The following SRI variants were observed in gnomAD, a reference collection of about 807,000 sequenced individuals.
The protein encoded by SRI is sorcin.
Under a neutral mutation model 33.3 loss-of-function variants are expected in SRI, and 30 were observed. The observed-to-expected ratio is 0.90, with a 90% CI of 0.67 to 1.22. The LOEUF is 1.22. Among genes scored for constraint, SRI ranks in the 50% most tolerant of loss-of-function variants. The pLI is 0.00. For missense variants in SRI, 243 were observed against 250.8 expected (o/e 0.97, Z 0.21); for synonymous variants, 75 against 89.9 (o/e 0.83, Z 0.94).
intron 1 of SRI, 24 bp from the exon 2 acceptor site, chr7:88,218,966 C>A: frequency 6.2e-7 from 1 of 1,603,286 alleles, no homozygotes; most frequent in Non-Finnish European, 8.5e-7. Flanking sequence ...AACACATACA[C>A]GTCATTCTGC....
At chr7:88,217,097 A>G (rs1435519234) in intron 3 of SRI, 25 bp downstream of exon 3, 4 of 1,608,058 alleles carry the variant, frequency 2.5e-6, no homozygotes, top group Non-Finnish European at 3.4e-6. Flanking sequence ...GTATATTTAG[A>G]CAAACTTTGG....
At chr7:88,213,995 G>T (rs1351076338) in intron 3 of SRI, among the ~76,000 whole-genome samples, 1 of 152,156 alleles carries the variant, frequency 6.6e-6, no homozygotes, top group Non-Finnish European at 1.5e-5. Context: ...TTGTGAAACT[G>T]CATACCGTCC....
chr7:88,213,465 A>G (rs1337450752), intron 3 of SRI, among the ~76,000 whole-genome samples: 1 of 152,204 alleles, frequency 6.6e-6, no homozygotes, highest in Non-Finnish European at 1.5e-5. Flanking sequence ...CTAACAACCT[A>G]GGACACAACT....
At chr7:88,223,305 G>C (rs1851930915), upstream of SRI, among the ~76,000 whole-genome samples, 1 of 152,114 alleles carries the variant, frequency 6.6e-6, no homozygotes, top group Non-Finnish European at 1.5e-5. Context: ...AAAACCCATG[G>C]GATAGGTACT....
At chr7:88,226,889 T>C (rs765445533) in intron 1 of SRI, 2 of 1,612,114 alleles carry the variant, frequency 1.2e-6, no homozygotes, top group Non-Finnish European at 1.7e-6. Context: ...TCTAATATTA[T>C]ATACATATCA....
intron 3 of SRI, among the ~76,000 whole-genome samples, chr7:88,216,364 T>C (rs568294991): frequency 1.3e-5 from 2 of 152,242 alleles, no homozygotes; most frequent in Admixed American, 1.3e-4. Flanking sequence ...GGCTGAATTA[T>C]GGAGCAGCAG....
At chr7:88,212,942 G>C (rs928086348) in intron 3 of SRI, among the ~76,000 whole-genome samples, 1 of 152,186 alleles carries the variant, frequency 6.6e-6, no homozygotes, top group East Asian at 1.9e-4. Context: ...AGCCAACTGT[G>C]TTGGGCTCAC....
At chr7:88,218,657 A>G (rs756913104) in intron 2 of SRI, 5 of 531,222 alleles carry the variant, frequency 9.4e-6, no homozygotes, top group Non-Finnish European at 1.7e-5. Context: ...AACTGAACTC[A>G]CATAAATACG....
chr7:88,213,079 T>A (rs956051262), intron 3 of SRI, among the ~76,000 whole-genome samples: 2 of 152,080 alleles, frequency 1.3e-5, no homozygotes, highest in Non-Finnish European at 2.9e-5. Context: ...TCTCCACCAA[T>A]AATCAATCAC....
chr7:88,217,054 T>G, intron 3 of SRI, 68 bp downstream of exon 3: 1 of 1,420,012 alleles, frequency 7.0e-7, no homozygotes, highest in African/African-American at 1.4e-5. Context: ...AAGGCTGTAA[T>G]CACAAGTAAC....
chr7:88,218,288 C>G (rs972840937), intron 2 of SRI, among the ~76,000 whole-genome samples: 2 of 152,164 alleles, frequency 1.3e-5, no homozygotes, highest in African/African-American at 2.4e-5. Flanking sequence ...GGGAGCTGAC[C>G]TTAATTGCTT....
chr7:88,210,232 G>A, intron 4 of SRI, 102 bp from the exon 5 acceptor site: 1 of 1,303,982 alleles, frequency 7.7e-7, no homozygotes, highest in East Asian at 2.3e-5. Context: ...GGCTAAAAAA[G>A]TTATTGTAGA....
chr7:88,212,504 A>G (rs1372066153), intron 3 of SRI, among the ~76,000 whole-genome samples: 1 of 152,218 alleles, frequency 6.6e-6, no homozygotes, highest in Non-Finnish European at 1.5e-5. Flanking sequence ...GAACAATTAA[A>G]TCAGGAACTC....
chr7:88,217,763 A>C (rs918589454), intron 2 of SRI, among the ~76,000 whole-genome samples: 1 of 152,220 alleles, frequency 6.6e-6, no homozygotes, highest in African/African-American at 2.4e-5. Flanking sequence ...CAAGATCAGC[A>C]ATTTGAAAGA....
In SRI at chr7:88,218,955, A is replaced by G. The variant is rs1331144976; in HGVS notation, c.52-13T>C. ...GAGCCCCTCCATACTGTGAAACAGG[A>G]AACACATACACGTCATTCTGCCGAA... On this transcript the variant is annotated splice_polypyrimidine_tract_variant and intron_variant, in intron 1 of 7. Transcript: ENST00000265729. The G allele has an allele frequency of 1.2e-6, 2 of 1,610,724 alleles. No individual in the cohort carries two copies. The highest frequency in any genetic ancestry group is 1.7e-4 in the Middle Eastern group (1 of 6,048).
At chr7:88,219,803 G>A (rs974656223) in intron 1 of SRI, among the ~76,000 whole-genome samples, 173 bp downstream of exon 1, 1 of 152,184 alleles carries the variant, frequency 6.6e-6, no homozygotes, top group African/African-American at 2.4e-5. Context: ...CGTGGGGAGA[G>A]GCCGAACCCC....
rs529955240 is a variant in SRI, at chr7:88,219,537, G to GT, written c.51+438dup. ...TTTTTTTCCGTCCCCCTTCTCACTC[G>GT]TTTTTTGTTTGTTTGTTTGTTTGTT... On this transcript the variant is annotated intron_variant, in intron 1 of 7. Coordinates refer to ENST00000265729, the MANE Select transcript of SRI (RefSeq NM_003130.4). The GT allele has an allele frequency of 4.5e-3, 828 of 185,456 alleles. 5 individuals carry two copies. Among genetic ancestry groups the GT allele is most frequent in the African/African-American group, 0.011 (430 of 39,960 alleles). 11.5% of individuals were successfully genotyped at this position (185,456 alleles called of 1,614,324 possible).
chr7:88,210,771 G>C, intron 4 of SRI, 111 bp downstream of exon 4: 1 of 1,052,604 alleles, frequency 9.5e-7, no homozygotes, highest in East Asian at 2.6e-5. Context: ...ATTTCAGAAA[G>C]CTTTTTAGTG....
intron 3 of SRI, among the ~76,000 whole-genome samples, chr7:88,212,566 T>C (rs543204398): frequency 2.0e-5 from 3 of 152,334 alleles, no homozygotes; most frequent in African/African-American, 7.2e-5. Flanking sequence ...CAGATGATTC[T>C]AGTGAGCAGC....
Sources: gnomAD v4.1 joint callset for allele counts (sites outside exome capture counted in the v4.1 genomes callset) on GRCh38, gnomAD v4.1.1 for gene constraint, MANE v1.5 for transcripts, NCBI Gene and HGNC (gene_info 2026-07-23, HGNC 2026-07-21) for gene names.